Variants in GSDMD observed in about 807,000 individuals in gnomAD.
The protein encoded by GSDMD is gasdermin-D.
A neutral mutation model predicts 46.7 loss-of-function variants in GSDMD; 46 were observed. That is an observed-to-expected ratio of 0.99 (90% confidence interval 0.78 to 1.26). The LOEUF is 1.26. Among genes scored for constraint, GSDMD ranks in the 50% most tolerant of loss-of-function variants. The probability of loss-of-function intolerance (pLI) is 0.00; values close to 1 mark genes in which losing one functional copy is unlikely to be tolerated. For synonymous variants in GSDMD, 307 were observed against 283.1 expected (o/e 1.08, Z -0.85); for missense variants, 649 against 638.8 (o/e 1.02, Z -0.17).
chr8:143,562,088 G>C lies in GSDMD; in HGVS notation c.953G>C (p.Gly318Ala). 4 of 1,596,792 alleles carry C rather than the reference G, an allele frequency of 2.5e-6. No homozygotes were observed. The highest frequency in any genetic ancestry group is 3.4e-6 in the Non-Finnish European group (4 of 1,177,226). Reference protein sequence around the residue: ...LCQLLLEGLEGVLRDQLALRA... With the variant: ...LCQLLLEGLEAVLRDQLALRA... ...CAGCTGCTGCTGGAGGGCCTGGAGG[G>C]GGTGCTGCGGGACCAGCTGGCCCTG... Residue 318 changes from glycine to alanine, a missense_variant, in exon 8 of 11, where the codon GGG becomes GCG. Coordinates refer to ENST00000262580, the MANE Select transcript of GSDMD (RefSeq NM_024736.7).
intron 1 of GSDMD, 171 bp from the exon 2 acceptor site, chr8:143,559,161 G>C: frequency 1.7e-6 from 1 of 605,014 alleles, no homozygotes; most frequent in Non-Finnish European, 2.9e-6. Flanking sequence ...GTGTTGGGGA[G>C]GGCCGGGGAC....
At chr8:143,558,137 G>A (rs947022004), upstream of GSDMD, 14 of 569,988 alleles carry the variant, frequency 2.5e-5, no homozygotes, top group Non-Finnish European at 4.2e-5. Context: ...CAGGTGATCC[G>A]CCCGGGCACA....
At chr8:143,558,328 C>G, upstream of GSDMD, 1 of 1,521,324 alleles carries the variant, frequency 6.6e-7, no homozygotes, top group Non-Finnish European at 8.8e-7. Flanking sequence ...GCGTCCTGGG[C>G]GGGCCCTGCG....
At chr8:143,560,828 T>C (rs1278163984) in intron 4 of GSDMD, 57 bp downstream of exon 4, 1 of 1,459,848 alleles carries the variant, frequency 6.9e-7, no homozygotes, top group Non-Finnish European at 9.0e-7. Context: ...CGGCGGCGGG[T>C]GACGGAGGCG....
chr8:143,562,583 C>T, intron 10 of GSDMD, 62 bp downstream of exon 10: 1 of 1,596,612 alleles, frequency 6.3e-7, no homozygotes, highest in Non-Finnish European at 8.5e-7. Flanking sequence ...GGCCCTGTGG[C>T]ACCTGGGAAG....
intron 3 of GSDMD, chr8:143,560,247 G>A (rs548281598): frequency 1.5e-5 from 10 of 687,118 alleles, no homozygotes; most frequent in African/African-American, 5.3e-5. Flanking sequence ...CGCTGTGGCC[G>A]GAACCAGCTT....
At chr8:143,557,029 C>G (rs1042247117), upstream of GSDMD, among the ~76,000 whole-genome samples, 1 of 152,262 alleles carries the variant, frequency 6.6e-6, no homozygotes, top group African/African-American at 2.4e-5. Flanking sequence ...GCACCGGCAG[C>G]GCCATCTCCC....
chr8:143,560,667 G>C lies in GSDMD; in HGVS notation c.475G>C (p.Val159Leu), dbSNP rs1372459189. 3.1e-6 allele frequency: 5 copies of C among 1,589,616 alleles called. No homozygotes were observed. The highest frequency in any genetic ancestry group is 1.7e-4 in the Middle Eastern group (1 of 6,032). Residue 159 changes from valine to leucine, a missense_variant, in exon 4 of 11, where the codon GTG (valine) becomes CTG (leucine). Transcript: ENST00000262580. The stretch of plus-strand genomic sequence containing the variant: ...GCGCAGCCGCGGGGACAACGTGTAC[G>C]TGGTGACTGAGGTGCTGCAGACACA... ...QLRSRGDNVY[V>L]VTEVLQTQKE...
At chr8:143,558,493 C>A (rs987554844) in intron 1 of GSDMD, 42 bp downstream of exon 1, 19 of 1,420,566 alleles carry the variant, frequency 1.3e-5, no homozygotes, top group Non-Finnish European at 1.6e-5. Context: ...GGCTGGAGCT[C>A]CCGAGTGGGG....
upstream of GSDMD, among the ~76,000 whole-genome samples, chr8:143,556,373 A>C (rs1012475864): frequency 6.6e-6 from 1 of 152,130 alleles, no homozygotes; most frequent in South Asian, 2.1e-4. Flanking sequence ...AGCAAGACTC[A>C]GTCTCAAAAC....
At position 143,560,750 on chromosome 8, in the gene GSDMD, G is replaced by A. The variant is rs1455106789; in HGVS notation, c.558G>A (p.Leu186=). 3 of 1,555,122 alleles carry A rather than the reference G, an allele frequency of 1.9e-6. No homozygotes were observed. In the African/African-American group the frequency reaches 4.1e-5, roughly 21 times the overall value. Residue 186 remains leucine, a synonymous_variant, in exon 4 of 11, where the codon CTG becomes CTA. Transcript: ENST00000262580. ...HKREGSGRFS[L]PGATCLQGEG... ...GGGAGGGCTCGGGCCGGTTTTCCCTGCCCGGAGCCACGTGCTTGCAGGTGT... is the reference window on the plus strand; with the variant it reads ...GGGAGGGCTCGGGCCGGTTTTCCCTACCCGGAGCCACGTGCTTGCAGGTGT...
In GSDMD at chr8:143,561,383, C is replaced by T. The variant is rs1823457065; in HGVS notation, c.696C>T (p.Phe232=). 2.5e-6 allele frequency: 4 copies of T among 1,610,586 alleles called. No individual in the cohort carries two copies. The highest frequency in any genetic ancestry group is 3.4e-6 in the Non-Finnish European group (4 of 1,178,986). Residue 232 remains phenylalanine, a synonymous_variant, in exon 6 of 11, where the codon TTC becomes TTT. Transcript: ENST00000262580. The part of the protein sequence containing the change: ...VIDSDLDVLL[F]PDKKQRTFQP... The stretch of plus-strand genomic sequence containing the variant: ...TCTGGCTGCCAGACGTCCTTCTCTT[C>T]CCGGATAAGAAGCAGAGGACCTTCC...
intron 9 of GSDMD, 24 bp from the exon 10 acceptor site, chr8:143,562,424 C>G (rs62523583): frequency 1.3e-6 from 2 of 1,598,206 alleles, no homozygotes; most frequent in Non-Finnish European, 1.7e-6. Flanking sequence ...TTCAGAAACC[C>G]CCTTTTACCT....
upstream of GSDMD, among the ~76,000 whole-genome samples, chr8:143,554,720 C>G (rs1255774916): frequency 6.6e-6 from 1 of 150,816 alleles, no homozygotes; most frequent in Non-Finnish European, 1.5e-5. Flanking sequence ...AACAGGCACA[C>G]AACACCCACG....
rs983280888 is a variant in GSDMD, at chr8:143,562,408, T to A, written c.1139-40T>A. ...GAGGGAGGGAGGTGGGCTTTCCCGGTGGGCGTTCAGAAACCCCCTTTTACC... is the reference window on the plus strand; with the variant it reads ...GAGGGAGGGAGGTGGGCTTTCCCGGAGGGCGTTCAGAAACCCCCTTTTACC... On this transcript the variant is annotated intron_variant, in intron 9 of 10. Transcript: ENST00000262580. 4 of 1,572,960 alleles carry A rather than the reference T, an allele frequency of 2.5e-6. No individual in the cohort carries two copies. The Admixed American group carries it at 7.1e-5, about 28-fold the overall frequency.
chr8:143,556,991 C>G (rs1823308816), upstream of GSDMD, among the ~76,000 whole-genome samples: 2 of 152,264 alleles, frequency 1.3e-5, no homozygotes, highest in South Asian at 2.1e-4. Flanking sequence ...CCCAAACCAG[C>G]AACCGTCGCT....
rs139064478 is a variant in GSDMD, at chr8:143,560,238, G to A, written c.410+269G>A. The stretch of plus-strand genomic sequence containing the variant: ...AGGAAAGTCCCAGAGGCAAAAGAGC[G>A]CTGTGGCCGGAACCAGCTTGCAGGA... On this transcript the variant is annotated intron_variant, in intron 3 of 10. Coordinates refer to ENST00000262580, the MANE Select transcript of GSDMD (RefSeq NM_024736.7). 169 of 688,498 alleles carry A rather than the reference G, an allele frequency of 2.5e-4. 1 individual carries two copies. Among genetic ancestry groups the A allele is most frequent in the African/African-American group, 2.5e-3 (140 of 57,100 alleles). The allele number at this position is 688,498 out of a possible 1,614,324, so 42.6% of individuals were successfully genotyped here. A position where few individuals can be genotyped will look rare whatever the true frequency, so the allele number is the denominator to read the frequency against.
chr8:143,562,690 C>A lies in GSDMD; in HGVS notation c.1241C>A (p.Pro414Gln). ...GGCAGCCTCTTGGAGCAGAGTGCCC[C>A]GTGGCAGGAGCGCAGCACCATGTCC... ...LVGSLLEQSA[P>Q]WQERSTMSLP... The change falls in exon 11 of 11, where the codon CCG becomes CAG. Residue 414 changes from proline to glutamine, a missense_variant. By Grantham distance (76) the Pro-to-Gln change is moderately conservative. Transcript: ENST00000262580. 6.2e-7 allele frequency: 1 copy of A among 1,604,462 alleles called. No individual in the cohort carries two copies. The highest frequency in any genetic ancestry group is 1.7e-5 in the Admixed American group (1 of 58,916).
At position 143,562,516 on chromosome 8, in the gene GSDMD, G is replaced by C; in HGVS notation, c.1207G>C (p.Glu403Gln). 6.2e-7 allele frequency: 1 copy of C among 1,606,738 alleles called. No homozygotes were observed. The highest frequency in any genetic ancestry group is 2.2e-5 in the East Asian group (1 of 44,862). Residue 403 changes from glutamate (E) to glutamine (Q), a missense_variant, in exon 10 of 11, where the codon GAG becomes CAG. By Grantham distance (29) the Glu-to-Gln change is conservative. Transcript: ENST00000262580. ...LESQTLLGPLELVGSLLEQSA... is the reference protein window; with the variant it reads ...LESQTLLGPLQLVGSLLEQSA... ...GTCGCAGACCCTGTTGGGGCCGCTCGAGCTGGTGAGAGGGTTGGGTTCGGG... is the reference window on the plus strand; with the variant it reads ...GTCGCAGACCCTGTTGGGGCCGCTCCAGCTGGTGAGAGGGTTGGGTTCGGG...
Sources: allele counts gnomAD v4.1 joint callset (sites outside exome capture counted in the v4.1 genomes callset), GRCh38; gene constraint gnomAD v4.1.1; transcripts MANE v1.5; gene names NCBI Gene and HGNC (gene_info 2026-07-23, HGNC 2026-07-21).